The following FHIT variants were observed in gnomAD, a reference collection of about 807,000 sequenced individuals.
FHIT encodes the protein bis(5'-adenosyl)-triphosphatase.
FHIT carries 19 observed loss-of-function variants against 17.9 expected under a neutral mutation model. That is an observed-to-expected ratio of 1.06 (90% CI 0.74 to 1.56). The LOEUF (loss-of-function observed/expected upper bound fraction) is 1.56. FHIT is among the 40% of genes most tolerant of loss of function. FHIT has a pLI of 0.00. For synonymous variants in FHIT, 81 were observed against 69.7 expected (o/e 1.16, Z -0.81); for missense variants, 248 against 189.2 (o/e 1.31, Z -1.82).
chr3:61,175,023 T>A (rs1332441098), intron 2 of FHIT, among the ~76,000 whole-genome samples: 1 of 147,498 alleles, frequency 6.8e-6, no homozygotes, highest in East Asian at 2.1e-4. Context: ...AGAGAAGACC[T>A]GGATCCTAAC....
chr3:60,209,177 T>C (rs1703336654), intron 5 of FHIT, among the ~76,000 whole-genome samples: 1 of 152,208 alleles, frequency 6.6e-6, no homozygotes, highest in African/African-American at 2.4e-5. Context: ...ATATTTTTAA[T>C]ATGTTATTTC....
At chr3:61,042,580 T>A (rs1055837243) in intron 2 of FHIT, among the ~76,000 whole-genome samples, 2 of 152,158 alleles carry the variant, frequency 1.3e-5, no homozygotes, top group Admixed American at 6.5e-5. Context: ...GGCTCACACC[T>A]GTGATCCCAG....
At chr3:59,932,561 C>T (rs146983142) in intron 7 of FHIT, among the ~76,000 whole-genome samples, 176 of 152,240 alleles carry the variant, frequency 1.2e-3, no homozygotes, top group Non-Finnish European at 2.0e-3. Flanking sequence ...GTTTATAAGA[C>T]GGTAATGTGG....
intron 8 of FHIT, among the ~76,000 whole-genome samples, chr3:59,757,673 A>AC (rs1701289533): frequency 6.6e-6 from 1 of 152,234 alleles, no homozygotes; most frequent in Non-Finnish European, 1.5e-5. Context: ...CTTCTTACAG[A>AC]AGCAAACGGC....
chr3:60,624,177 G>A (rs145902938), intron 4 of FHIT, among the ~76,000 whole-genome samples: 186 of 152,342 alleles, frequency 1.2e-3, no homozygotes, highest in African/African-American at 4.1e-3. Flanking sequence ...GCAAAAGCCA[G>A]TAGGACGTAT....
intron 2 of FHIT, among the ~76,000 whole-genome samples, chr3:61,178,791 T>C (rs2038234388): frequency 6.6e-6 from 1 of 152,000 alleles, no homozygotes; most frequent in South Asian, 2.1e-4. Flanking sequence ...AGTTATCTGG[T>C]ATAAATCACT....
intron 5 of FHIT, among the ~76,000 whole-genome samples, chr3:60,341,401 T>C (rs1710509370): frequency 6.6e-6 from 1 of 152,190 alleles, no homozygotes; most frequent in Non-Finnish European, 1.5e-5. Context: ...TTAAAACCCA[T>C]AGATACACAA....
chr3:60,711,943 A>G (rs1229733577), intron 4 of FHIT, among the ~76,000 whole-genome samples: 1 of 152,188 alleles, frequency 6.6e-6, no homozygotes, highest in Non-Finnish European at 1.5e-5. Context: ...ATACTCCTCA[A>G]GAAGAGCAAC....
At chr3:59,788,882 T>TTTTTTTTTTTTTTTTTTTG (rs1553677030) in intron 8 of FHIT, among the ~76,000 whole-genome samples, 1 of 44,794 alleles carries the variant, frequency 2.2e-5, no homozygotes, top group Admixed American at 2.4e-4. Context: ...AGTTCATATG[T>TTTTTTTTTTTTTTTTTTTG]TTTTTTTTTT....
At chr3:60,664,355 T>A (rs1553691929) in intron 4 of FHIT, among the ~76,000 whole-genome samples, 1 of 152,098 alleles carries the variant, frequency 6.6e-6, no homozygotes, top group African/African-American at 2.4e-5. Flanking sequence ...CATAATTCTT[T>A]TTATTCTTTG....
intron 4 of FHIT, among the ~76,000 whole-genome samples, chr3:60,568,583 T>G (rs895201403): frequency 5.3e-5 from 8 of 151,846 alleles, no homozygotes; most frequent in African/African-American, 1.7e-4. Context: ...ATTCTGCACA[T>G]GTACCCTGAA....
intron 3 of FHIT, among the ~76,000 whole-genome samples, chr3:60,899,742 C>T (rs1706010113): frequency 6.6e-6 from 1 of 152,162 alleles, no homozygotes. Context: ...TATCAGGCTG[C>T]CTTGGCTCAG....
chr3:60,271,031 G>A (rs1437706869), intron 5 of FHIT, among the ~76,000 whole-genome samples: 2 of 152,142 alleles, frequency 1.3e-5, no homozygotes, highest in Non-Finnish European at 1.5e-5. Flanking sequence ...TATTACCAGA[G>A]GAATCTACAT....
intron 7 of FHIT, among the ~76,000 whole-genome samples, chr3:59,993,430 G>A (rs1553643558): frequency 6.6e-6 from 1 of 152,050 alleles, no homozygotes; most frequent in Non-Finnish European, 1.5e-5. Flanking sequence ...ACCAATGTGA[G>A]TGTAGAATGC....
Position 60,365,738 on chromosome 3 carries a change from A to T in FHIT, c.103+171122T>A, listed in dbSNP as rs536056501. On this transcript the variant is annotated intron_variant, in intron 5 of 9. Transcript: ENST00000492590. ...ACGTCTTAAGATTTATTATTAAGAC[A>T]TGGTTTCTCAGAAAGTCAACTCCTG... Among the ~76,000 whole-genome samples, 5 of 152,328 alleles carry T rather than the reference A, an allele frequency of 3.3e-5. No homozygotes were observed. The South Asian group carries it at 6.2e-4, about 19-fold the overall frequency.
intron 8 of FHIT, among the ~76,000 whole-genome samples, chr3:59,794,006 C>A (rs1699675010): frequency 6.6e-6 from 1 of 152,080 alleles, no homozygotes. Flanking sequence ...CGTGAGAATC[C>A]ATTAATCTCA....
intron 5 of FHIT, among the ~76,000 whole-genome samples, chr3:60,066,117 T>G: frequency 6.6e-6 from 1 of 152,284 alleles, no homozygotes; most frequent in Non-Finnish European, 1.5e-5. Context: ...TCCATGGACA[T>G]TGACACAGTC....
intron 5 of FHIT, among the ~76,000 whole-genome samples, chr3:60,095,255 C>T (rs1352272448): frequency 6.6e-6 from 1 of 152,178 alleles, no homozygotes; most frequent in African/African-American, 2.4e-5. Flanking sequence ...GAAAGCAGTG[C>T]ATACATTCCA....
At chr3:60,194,066 T>C (rs1263620875) in intron 5 of FHIT, among the ~76,000 whole-genome samples, 1 of 152,140 alleles carries the variant, frequency 6.6e-6, no homozygotes, top group Non-Finnish European at 1.5e-5. Flanking sequence ...AAACCATTTT[T>C]TTCACAGAAA....
Sources: allele counts gnomAD v4.1 joint callset (sites outside exome capture counted in the v4.1 genomes callset), GRCh38; gene constraint gnomAD v4.1.1; transcripts MANE v1.5; gene names NCBI Gene and HGNC (gene_info 2026-07-23, HGNC 2026-07-21).